The following TLE3 variants were observed in gnomAD, a reference collection of about 807,000 sequenced individuals.
The protein encoded by TLE3 is transducin-like enhancer protein 3.
A neutral mutation model predicts 93.0 loss-of-function variants in TLE3; 14 were observed. The observed-to-expected ratio is 0.15, with a 90% CI of 0.10 to 0.24. The LOEUF (loss-of-function observed/expected upper bound fraction) is 0.24. Ranked by LOEUF, TLE3 falls within the 10% of genes least tolerant of loss-of-function variation. The probability of loss-of-function intolerance (pLI) is 1.00; values close to 1 mark genes in which losing one functional copy is unlikely to be tolerated. For missense variants in TLE3, 693 were observed against 1,046.6 expected (o/e 0.66, Z 4.66); for synonymous variants, 451 against 425.0 (o/e 1.06, Z -0.75).
chr15:70,096,825 G>A lies in TLE3; in HGVS notation c.-27C>T. On this transcript the variant is annotated 5_prime_UTR_variant, in exon 1 of 20. Coordinates refer to ENST00000451782, the MANE Select transcript of TLE3 (RefSeq NM_001105192.3). ...GCAGGGAGGGGTCGTGATTCCGAGA[G>A]CGTGGAAGCGCCGAGAGCCCGGGCC... The A allele has an allele frequency of 6.2e-7, 1 of 1,608,896 alleles. No individual in the cohort carries two copies. Among genetic ancestry groups the A allele is most frequent in the Non-Finnish European group, 8.5e-7 (1 of 1,178,552 alleles).
In TLE3 at chr15:70,049,868, G is replaced by C; in HGVS notation, c.*229C>G. The C allele has an allele frequency of 2.1e-6, 1 of 472,824 alleles. No individual in the cohort carries two copies. Among genetic ancestry groups the C allele is most frequent in the Non-Finnish European group, 3.9e-6 (1 of 259,256 alleles). 29.3% of individuals were successfully genotyped at this position (472,824 alleles called of 1,614,324 possible). A position where few individuals can be genotyped will look rare whatever the true frequency, so the allele number is the denominator to read the frequency against. On this transcript the variant is annotated 3_prime_UTR_variant, in exon 20 of 20. Transcript: ENST00000451782. ...TAGCAACTGCCAGCATTGTTCAGGG[G>C]GAGGAGGAGGAGCAGAACCCTTCCG... is the stretch of plus-strand genomic sequence containing the variant.
At chr15:70,078,205 T>A (rs535460750) in intron 4 of TLE3, among the ~76,000 whole-genome samples, 1 of 151,542 alleles carries the variant, frequency 6.6e-6, no homozygotes, top group African/African-American at 2.4e-5. Flanking sequence ...ACTCTGCTTA[T>A]TTTTTCCTCG....
At position 70,096,967 on chromosome 15, in the gene TLE3, G is replaced by T. The variant is rs1242050849; in HGVS notation, c.-169C>A. The stretch of plus-strand genomic sequence containing the variant: ...AGCGAAATCCCAGAGTCGGGCGCCC[G>T]CCCCAAGTGGAGACAAAGAGCCGCG... On this transcript the variant is annotated 5_prime_UTR_variant, in exon 1 of 20. Coordinates refer to ENST00000451782, the MANE Select transcript of TLE3 (RefSeq NM_001105192.3). The T allele has an allele frequency of 1.6e-6, 1 of 611,994 alleles. No individual in the cohort carries two copies. The highest frequency in any genetic ancestry group is 1.6e-5 in the South Asian group (1 of 63,628). The allele number at this position is 611,994 out of a possible 1,614,324, so 37.9% of individuals were successfully genotyped here.
chr15:70,054,153 G>T, intron 16 of TLE3: 1 of 345,178 alleles, frequency 2.9e-6, no homozygotes, highest in African/African-American at 2.1e-5. Context: ...TCTGCTCCCA[G>T]ACTCTCTGCT....
chr15:70,051,698 T>C (rs1308980861), intron 18 of TLE3, among the ~76,000 whole-genome samples: 1 of 152,178 alleles, frequency 6.6e-6, no homozygotes, highest in East Asian at 1.9e-4. Flanking sequence ...AAGGTAGGAT[T>C]TGAAGTTCAT....
At chr15:70,076,259 C>CT (rs781549617) in intron 4 of TLE3, 101 bp from the exon 5 acceptor site, 48 of 1,084,336 alleles carry the variant, frequency 4.4e-5, no homozygotes, top group Non-Finnish European at 6.7e-5. Flanking sequence ...ACCACAGCCC[C>CT]TCTCCACGGG....
At chr15:70,064,854 T>G (rs2056714825) in intron 7 of TLE3, among the ~76,000 whole-genome samples, 1 of 145,908 alleles carries the variant, frequency 6.9e-6, no homozygotes, top group Admixed American at 7.0e-5. Context: ...TTGAGAAGGA[T>G]CATGCCATAT....
chr15:70,063,690 T>C (rs1396599135), intron 8 of TLE3, among the ~76,000 whole-genome samples: 3 of 152,140 alleles, frequency 2.0e-5, no homozygotes, highest in African/African-American at 7.2e-5. Context: ...CGCTGGAGGA[T>C]TTTTTTTATC....
rs2937280 is a variant in TLE3, at chr15:70,095,946, T to C, written c.125+215A>G. On this transcript the variant is annotated intron_variant, in intron 2 of 19. Transcript: ENST00000451782. The stretch of plus-strand genomic sequence containing the variant: ...CCGCTCGCCGCGACCTAGACCCTCA[T>C]TCGGGGACCCCACGGGCGGCGCTGG... 7.5e-6 allele frequency: 5 copies of C among 670,928 alleles called. No individual in the cohort carries two copies. The Admixed American group carries it at 1.2e-4, about 16-fold the overall frequency. The allele number at this position is 670,928 out of a possible 1,614,324, so 41.6% of individuals were successfully genotyped here.
rs980349467 is a variant in TLE3 at position 70,082,676 on chromosome 15, C to G, written c.235-6518G>C. On this transcript the variant is annotated intron_variant, in intron 4 of 19. Coordinates refer to ENST00000451782, the MANE Select transcript of TLE3 (RefSeq NM_001105192.3). ...AGGACTTGGTACAAGAAAGGCCCAG[C>G]CCCCCTCAGCGTGACCCTGAGGATC... Among the ~76,000 whole-genome samples the G allele has an allele frequency of 5.3e-5, 8 of 152,202 alleles. 1 individual carries two copies. Among genetic ancestry groups the G allele is most frequent in the Non-Finnish European group, 1.2e-4 (8 of 68,042 alleles).
At chr15:70,093,543 A>G (rs2058401147) in intron 4 of TLE3, among the ~76,000 whole-genome samples, 1 of 152,214 alleles carries the variant, frequency 6.6e-6, no homozygotes, top group Non-Finnish European at 1.5e-5. Flanking sequence ...ATGAACACCA[A>G]TTGTTAAAAA....
intron 4 of TLE3, among the ~76,000 whole-genome samples, chr15:70,078,028 A>T (rs2057537354): frequency 6.6e-6 from 1 of 152,220 alleles, no homozygotes. Flanking sequence ...TGCTGTGTGG[A>T]GCCCGTTCTG....
In TLE3 at chr15:70,049,840, T is replaced by C. The variant is rs1433089211; in HGVS notation, c.*257A>G. 1.3e-5 allele frequency: 5 copies of C among 392,794 alleles called. No homozygotes were observed. The highest frequency in any genetic ancestry group is 2.0e-5 in the African/African-American group (1 of 49,986). The allele number at this position is 392,794 out of a possible 1,614,324, so 24.3% of individuals were successfully genotyped here. The stretch of plus-strand genomic sequence containing the variant: ...AGCCATAAGCCTCCAATAAATCTAT[T>C]TGTAGCAACTGCCAGCATTGTTCAG... On this transcript the variant is annotated 3_prime_UTR_variant, in exon 20 of 20. Transcript: ENST00000451782.
chr15:70,053,678 G>T, intron 16 of TLE3: 1 of 230,778 alleles, frequency 4.3e-6, no homozygotes, highest in Non-Finnish European at 8.4e-6. Context: ...GCCTCTGGAG[G>T]AGGTGGAGCT....
At chr15:70,057,032 C>A (rs1023851649) in intron 13 of TLE3, among the ~76,000 whole-genome samples, 1 of 152,226 alleles carries the variant, frequency 6.6e-6, no homozygotes, top group Non-Finnish European at 1.5e-5. Context: ...GGATTACAGG[C>A]GTGAGCCACT....
At chr15:70,074,402 G>T in intron 6 of TLE3, 131 bp downstream of exon 6, 2 of 1,168,432 alleles carry the variant, frequency 1.7e-6, no homozygotes, top group African/African-American at 1.5e-5. Context: ...TGGGGTGCTT[G>T]TAGAAGCCGG....
Position 70,057,500 on chromosome 15 carries a change from C to T in TLE3, c.1210G>A (p.Ala404Thr). Reference protein sequence around the residue: ...PQMSAAAAAAAAAYGRSPMVS... With the variant: ...PQMSAAAAAATAAYGRSPMVS... Reference sequence around the variant, plus strand: ...ATTGGCGATCGGCCATAGGCAGCGGCTGCAGCAGCGGCGGCGGCGCTCATC... The same window carrying T: ...ATTGGCGATCGGCCATAGGCAGCGGTTGCAGCAGCGGCGGCGGCGCTCATC... Residue 404 changes from alanine to threonine, a missense_variant, in exon 13 of 20, where the codon GCC (alanine) becomes ACC (threonine). Around this residue, in one of 4 missense-constraint regions of TLE3, gnomAD observed 405 missense variants for 468.9 expected, o/e 0.86. Coordinates refer to ENST00000451782, the MANE Select transcript of TLE3 (RefSeq NM_001105192.3). 6.2e-7 allele frequency: 1 copy of T among 1,609,096 alleles called. No homozygotes were observed. The highest frequency in any genetic ancestry group is 1.1e-5 in the South Asian group (1 of 90,100).
At position 70,089,627 on chromosome 15, in the gene TLE3, T is replaced by C. The variant is rs78051756; in HGVS notation, c.234+4905A>G. ...AGCACCTATTACATACTAAGTGCTA[T>C]AGAGACCTCAGCAGAGGGGCTTCCT... On this transcript the variant is annotated intron_variant, in intron 4 of 19. Transcript: ENST00000451782. Among the ~76,000 whole-genome samples the C allele has an allele frequency of 9.1e-3, 1,380 of 152,320 alleles. 5 individuals are homozygous for C. The highest frequency in any genetic ancestry group is 0.015 in the Non-Finnish European group (1,025 of 68,028).
intron 6 of TLE3, among the ~76,000 whole-genome samples, chr15:70,069,869 G>A (rs1258061256): frequency 6.6e-6 from 1 of 152,256 alleles, no homozygotes; most frequent in East Asian, 1.9e-4. Flanking sequence ...GGCGGGCACA[G>A]CTATCCTCAG....
Sources: gnomAD v4.1 joint callset for allele counts (sites outside exome capture counted in the v4.1 genomes callset) on GRCh38, gnomAD v4.1.1 for gene constraint, gnomAD v4.1.1 regional missense constraint, MANE v1.5 for transcripts, NCBI Gene and HGNC (gene_info 2026-07-23, HGNC 2026-07-21) for gene names.